Variants in DACH1 observed in about 807,000 individuals in gnomAD.
The protein encoded by DACH1 is dachshund family transcription factor 1.
Under a neutral mutation model 54.2 loss-of-function variants are expected in DACH1, and 12 were observed. The observed-to-expected ratio is 0.22, with a 90% CI of 0.14 to 0.36. DACH1 has a LOEUF of 0.36. Ranked by LOEUF, DACH1 falls within the 10% of genes least tolerant of loss-of-function variation. DACH1 has a pLI of 1.00. For missense variants in DACH1, 805 were observed against 929.8 expected, an observed-to-expected ratio of 0.87 and a Z score of 1.75; for synonymous variants, 386 against 366.2, an observed-to-expected ratio of 1.05 and a Z score of -0.62.
intron 2 of DACH1, among the ~76,000 whole-genome samples, chr13:71,673,626 G>A (rs1184962026): frequency 6.6e-6 from 1 of 151,984 alleles, no homozygotes; most frequent in African/African-American, 2.4e-5. Flanking sequence ...GTGGGGCTGG[G>A]GGAGAGAATG....
chr13:71,568,888 C>T (rs1373491012), intron 4 of DACH1, among the ~76,000 whole-genome samples: 2 of 151,810 alleles, frequency 1.3e-5, no homozygotes, highest in East Asian at 1.9e-4. Flanking sequence ...AGATATTTAG[C>T]GAGAGAGAGA....
At chr13:71,510,486 C>T (rs1194692992) in intron 6 of DACH1, among the ~76,000 whole-genome samples, 2 of 151,968 alleles carry the variant, frequency 1.3e-5, no homozygotes, top group Non-Finnish European at 2.9e-5. Flanking sequence ...ATTCTATTCC[C>T]CTCCTTTCCA....
intron 2 of DACH1, among the ~76,000 whole-genome samples, chr13:71,663,710 T>C (rs530648666): frequency 3.7e-4 from 57 of 152,062 alleles, no homozygotes; most frequent in Non-Finnish European, 6.5e-4. Context: ...TTAGCTTATC[T>C]AACCCTGCTA....
At chr13:71,842,373 A>C (rs1448918515) in intron 1 of DACH1, among the ~76,000 whole-genome samples, 1 of 151,948 alleles carries the variant, frequency 6.6e-6, no homozygotes, top group Non-Finnish European at 1.5e-5. Flanking sequence ...CCAGAAGTTC[A>C]AGACCAGCCT....
intron 2 of DACH1, among the ~76,000 whole-genome samples, chr13:71,672,088 A>G (rs950153479): frequency 1.3e-5 from 2 of 152,162 alleles, no homozygotes; most frequent in African/African-American, 4.8e-5. Flanking sequence ...ATGACTGAAC[A>G]TAATATTCCA....
intron 6 of DACH1, among the ~76,000 whole-genome samples, chr13:71,548,108 T>A (rs1883575744): frequency 6.6e-6 from 1 of 152,208 alleles, no homozygotes; most frequent in African/African-American, 2.4e-5. Flanking sequence ...TGTTTTTAAG[T>A]GGCAACACTT....
intron 2 of DACH1, among the ~76,000 whole-genome samples, chr13:71,659,954 C>T (rs1015950413): frequency 6.6e-6 from 1 of 152,044 alleles, no homozygotes; most frequent in African/African-American, 2.4e-5. Flanking sequence ...GAGTCACTGG[C>T]ATTATACAAT....
chr13:71,447,200 T>C (rs1352934753), intron 10 of DACH1, among the ~76,000 whole-genome samples: 1 of 152,166 alleles, frequency 6.6e-6, no homozygotes, highest in African/African-American at 2.4e-5. Flanking sequence ...GAAAATAAAT[T>C]GAAGAAAAAC....
At chr13:71,500,183 G>T (rs939920487) in intron 6 of DACH1, among the ~76,000 whole-genome samples, 1 of 152,102 alleles carries the variant, frequency 6.6e-6, no homozygotes, top group Non-Finnish European at 1.5e-5. Context: ...ATTTACATCT[G>T]CCAAAAATGA....
chr13:71,854,584 G>A (rs1270080737), intron 1 of DACH1, among the ~76,000 whole-genome samples: 1 of 152,052 alleles, frequency 6.6e-6, no homozygotes, highest in Admixed American at 6.6e-5. Context: ...GCTAGAAAGT[G>A]CCTCTGAAAG....
intron 3 of DACH1, among the ~76,000 whole-genome samples, chr13:71,619,865 T>C (rs147990050): frequency 6.6e-6 from 1 of 151,996 alleles, no homozygotes; most frequent in East Asian, 1.9e-4. Context: ...AATTGTATAA[T>C]ATTTACACTC....
chr13:71,616,812 TAGAA>T (rs956332531), intron 3 of DACH1, among the ~76,000 whole-genome samples: 2 of 151,202 alleles, frequency 1.3e-5, no homozygotes, highest in Admixed American at 6.6e-5. Flanking sequence ...TATATATACA[TAGAA>T]AGAGAGAGAG....
intron 10 of DACH1, among the ~76,000 whole-genome samples, chr13:71,458,274 T>C (rs1875760916): frequency 6.6e-6 from 1 of 151,876 alleles, no homozygotes; most frequent in African/African-American, 2.4e-5. Flanking sequence ...TGAGAAACAA[T>C]CATATTTATT....
chr13:71,573,082 A>G, intron 3 of DACH1, 70 bp from the exon 4 acceptor site: 1 of 1,458,190 alleles, frequency 6.9e-7, no homozygotes, highest in Non-Finnish European at 9.3e-7. Flanking sequence ...AACAGTCAAA[A>G]GTTTTCTAAT....
At chr13:71,562,888 G>A (rs1219290128) in intron 4 of DACH1, among the ~76,000 whole-genome samples, 1 of 152,038 alleles carries the variant, frequency 6.6e-6, no homozygotes, top group Non-Finnish European at 1.5e-5. Context: ...CAAAAGTTTA[G>A]TTGTGTATGG....
chr13:71,776,426 GA>G, intron 1 of DACH1, among the ~76,000 whole-genome samples: 1 of 151,970 alleles, frequency 6.6e-6, no homozygotes, highest in East Asian at 1.9e-4. Flanking sequence ...AATACCTAAA[GA>G]AAAGTTAAAT....
At chr13:71,677,604 T>C (rs1167782725) in intron 2 of DACH1, among the ~76,000 whole-genome samples, 4 of 152,206 alleles carry the variant, frequency 2.6e-5, no homozygotes, top group Non-Finnish European at 5.9e-5. Context: ...GTCTTTTTTT[T>C]CCTAAGAAAA....
chr13:71,555,361 T>G (rs1054150174), intron 6 of DACH1, among the ~76,000 whole-genome samples: 5 of 151,952 alleles, frequency 3.3e-5, no homozygotes, highest in Non-Finnish European at 5.9e-5. Flanking sequence ...TTTTTTTTTT[T>G]GACATGGACT....
At position 71,824,681 on chromosome 13, in the gene DACH1, G is replaced by A. The variant is rs73503531; in HGVS notation, c.848+41241C>T. On this transcript the variant is annotated intron_variant, in intron 1 of 10. Transcript: ENST00000613252. Reference sequence around the variant, plus strand: ...CTGCTTTGGAAAATAACTCTTTCTCGTCCCCAGGGTATTATTTCAATTACT... The same window carrying A: ...CTGCTTTGGAAAATAACTCTTTCTCATCCCCAGGGTATTATTTCAATTACT... 6.0e-3 allele frequency among the ~76,000 whole-genome samples: 906 copies of A among 151,844 alleles called. 5 individuals carry two copies. Among genetic ancestry groups the A allele is most frequent in the African/African-American group, 0.02 (835 of 41,442 alleles).
Sources: gnomAD v4.1 joint callset for allele counts (sites outside exome capture counted in the v4.1 genomes callset) on GRCh38, gnomAD v4.1.1 for gene constraint, MANE v1.5 for transcripts, NCBI Gene and HGNC (gene_info 2026-07-23, HGNC 2026-07-21) for gene names.